LBR: variants seen among roughly 807,000 people sequenced by gnomAD.
The protein encoded by LBR is delta(14)-sterol reductase LBR.
LBR carries 28 observed loss-of-function variants against 74.3 expected under a neutral mutation model. That is an observed-to-expected ratio of 0.38 (90% confidence interval 0.28 to 0.52). The LOEUF (loss-of-function observed/expected upper bound fraction) is 0.52. Among genes scored for constraint, LBR ranks in the 20% least tolerant of loss-of-function variants. The probability of loss-of-function intolerance (pLI) is 0.89; values close to 1 mark genes in which losing one functional copy is unlikely to be tolerated. For missense variants in LBR, 717 were observed against 760.3 expected (o/e 0.94, Z 0.67); for synonymous variants, 228 against 269.3 (o/e 0.85, Z 1.50).
chr1:225,402,959 A>G lies in LBR; in HGVS notation c.*344T>C, dbSNP rs1035810101. On this transcript the variant is annotated 3_prime_UTR_variant, in exon 14 of 14. Transcript: ENST00000272163. ...AAAAGCCAACTGGCAAAAAAACATCAAAATTTGAAAAGTAATCAGAAACCA... is the reference window on the plus strand; with the variant it reads ...AAAAGCCAACTGGCAAAAAAACATCGAAATTTGAAAAGTAATCAGAAACCA... The G allele has an allele frequency of 5.0e-6, 1 of 199,064 alleles. No individual in the cohort carries two copies. The highest frequency in any genetic ancestry group is 2.3e-5 in the African/African-American group (1 of 42,700). The allele number at this position is 199,064 out of a possible 1,614,324, so 12.3% of individuals were successfully genotyped here.
intron 1 of LBR, 171 bp downstream of exon 1, chr1:225,427,783 G>C (rs1558660866): frequency 6.6e-6 from 1 of 152,488 alleles, no homozygotes; most frequent in African/African-American, 2.4e-5. Context: ...GAAAAGGCGA[G>C]GAGGGGAGGA....
At chr1:225,425,173 G>A (rs61851886) in intron 1 of LBR, among the ~76,000 whole-genome samples, 9,411 of 151,096 alleles carry the variant, frequency 0.062, 413 homozygotes, top group Non-Finnish European at 0.088. Flanking sequence ...GAAGACTCTG[G>A]AATTAAGGAG....
chr1:225,421,290 G>A (rs893565650), intron 3 of LBR, among the ~76,000 whole-genome samples: 4 of 152,314 alleles, frequency 2.6e-5, no homozygotes, highest in African/African-American at 4.8e-5. Context: ...TCAGGAAATC[G>A]AGACCATCCT....
rs1254466472 is a variant in LBR at position 225,422,277 on chromosome 1, G to A, written c.166C>T (p.Pro56Ser). Residue 56 changes from proline to serine, a missense_variant and splice_region_variant, in exon 3 of 14, where the codon CCT (proline) becomes TCT (serine). By Grantham distance (74) the Pro-to-Ser change is moderately conservative (BLOSUM62 -1). Transcript: ENST00000272163. Reference sequence around the variant, plus strand: ...TTCCTTTGCCTAAAGGAAGTTAAAGGCTAGAAAGGGGGAAGAAGGCAAAGA... The same window carrying A: ...TTCCTTTGCCTAAAGGAAGTTAAAGACTAGAAAGGGGGAAGAAGGCAAAGA... ...ELELKENDIKPLTSFRQRKGG... is the reference protein window; with the variant it reads ...ELELKENDIKSLTSFRQRKGG... The A allele has an allele frequency of 1.9e-6, 3 of 1,612,562 alleles. No individual in the cohort carries two copies. The highest frequency in any genetic ancestry group is 1.3e-5 in the African/African-American group (1 of 74,872).
At chr1:225,411,085 T>C (rs1178220767) in intron 9 of LBR, among the ~76,000 whole-genome samples, 1 of 152,204 alleles carries the variant, frequency 6.6e-6, no homozygotes, top group Non-Finnish European at 1.5e-5. Context: ...ACTATCACTT[T>C]CCTACATAAA....
Position 225,402,840 on chromosome 1 carries a change from T to C in LBR, c.*463A>G. The C allele has an allele frequency of 6.2e-6, 1 of 161,876 alleles. No individual in the cohort carries two copies. The highest frequency in any genetic ancestry group is 1.7e-4 in the South Asian group (1 of 5,938). The allele number at this position is 161,876 out of a possible 1,614,324, so 10.0% of individuals were successfully genotyped here. On this transcript the variant is annotated 3_prime_UTR_variant, in exon 14 of 14. Coordinates refer to ENST00000272163, the MANE Select transcript of LBR (RefSeq NM_002296.4). ...TCTTTTTGCTTTCAAATTATATAAT[T>C]AGTAAAGGATTTAAAGAAAAACAAA...
chr1:225,413,282 T>C (rs1322673483), intron 7 of LBR, among the ~76,000 whole-genome samples: 1 of 152,206 alleles, frequency 6.6e-6, no homozygotes, highest in African/African-American at 2.4e-5. Context: ...GACATTCACG[T>C]GCAATGCCAA....
rs201471857 is a variant in LBR, at chr1:225,407,762, G to C, written c.1315-930C>G. Among the ~76,000 whole-genome samples the C allele has an allele frequency of 1.1e-4, 16 of 152,204 alleles. No homozygotes were observed. The East Asian group carries it at 3.1e-3, about 29-fold the overall frequency. On this transcript the variant is annotated intron_variant, in intron 10 of 13. Transcript: ENST00000272163. ...AGAAAAAGAGTGGTACCTCTAAATA[G>C]CATTTTTTTCCAGAAAAGAAAGCAA...
intron 10 of LBR, 73 bp from the exon 11 acceptor site, chr1:225,406,905 C>T: frequency 1.4e-6 from 2 of 1,463,798 alleles, no homozygotes; most frequent in East Asian, 2.3e-5. Context: ...TACTAGTTTA[C>T]AGGCAAATGT....
chr1:225,403,104 T>A lies in LBR; in HGVS notation c.*199A>T. On this transcript the variant is annotated 3_prime_UTR_variant, in exon 14 of 14. Coordinates refer to ENST00000272163, the MANE Select transcript of LBR (RefSeq NM_002296.4). ...CTCACATCCTTACTTGTATTTTTCC[T>A]ATGTTAACTGTAAGTTAATACAAGT... 1 of 574,486 alleles carries A rather than the reference T, an allele frequency of 1.7e-6. No homozygotes were observed. The highest frequency in any genetic ancestry group is 2.1e-5 in the South Asian group (1 of 46,630). 35.6% of individuals were successfully genotyped at this position (574,486 alleles called of 1,614,324 possible). A position where few individuals can be genotyped will look rare whatever the true frequency, so the allele number is the denominator to read the frequency against.
chr1:225,405,805 G>A (rs990283841), intron 11 of LBR, among the ~76,000 whole-genome samples: 2 of 152,202 alleles, frequency 1.3e-5, no homozygotes, highest in African/African-American at 4.8e-5. Flanking sequence ...TAAAATGGAT[G>A]ACATGGACAT....
Position 225,406,723 on chromosome 1 carries a change from A to G in LBR, c.1424T>C (p.Leu475Ser), listed in dbSNP as rs779726211. 1 of 1,613,928 alleles carries G rather than the reference A, an allele frequency of 6.2e-7. No homozygotes were observed. The highest frequency in any genetic ancestry group is 1.7e-5 in the Admixed American group (1 of 59,962). The change falls in exon 11 of 14, where the codon TTA (leucine) becomes TCA (serine). Residue 475 changes from leucine to serine, a missense_variant. Leu to Ser is a moderately radical substitution (Grantham distance 145). Coordinates refer to ENST00000272163, the MANE Select transcript of LBR (RefSeq NM_002296.4). ...AGACACTTCATTTGGATGACTGACT[A>G]AATAAAAGGCTTGGAAGCTGTAAAT... ...PFIYSFQAFY[L>S]VSHPNEVSWP...
intron 11 of LBR, 176 bp downstream of exon 11, chr1:225,406,488 G>A (rs1046169674): frequency 8.5e-6 from 5 of 590,614 alleles, no homozygotes; most frequent in East Asian, 2.9e-5. Flanking sequence ...ACCCAAGTAC[G>A]AACCATCCAT....
intron 8 of LBR, among the ~76,000 whole-genome samples, chr1:225,411,875 T>C (rs745887839): frequency 9.2e-5 from 14 of 152,250 alleles, no homozygotes; most frequent in Non-Finnish European, 1.9e-4. Flanking sequence ...AGTGGCACAG[T>C]CTCGGCTCAC....
In LBR at chr1:225,425,865, G is replaced by A. The variant is rs371602048; in HGVS notation, c.-14-1776C>T. Among the ~76,000 whole-genome samples, 166 of 152,346 alleles carry A rather than the reference G, an allele frequency of 1.1e-3. 4 individuals are homozygous for A. In the South Asian group the frequency reaches 0.034, roughly 31 times the overall value. On this transcript the variant is annotated intron_variant, in intron 1 of 13. Coordinates refer to ENST00000272163, the MANE Select transcript of LBR (RefSeq NM_002296.4). ...AAACTTTTGAAACACAAGCCCTTCA[G>A]GACGCAGGGGCTACTTGAGGTTTTA...
Position 225,410,335 on chromosome 1 carries a change from T to C in LBR, c.1270A>G (p.Asn424Asp). ...ACCACATAGAGAAGCTGGAAACTAT[T>C]AACTAAAATCATGGCCAAGGATGGA... ...AVPSLAMILV[N>D]SFQLLYVVDA... The change falls in exon 10 of 14, where the codon AAT becomes GAT. Residue 424 changes from asparagine (N) to aspartate (D), a missense_variant. Transcript: ENST00000272163. 1 of 1,614,160 alleles carries C rather than the reference T, an allele frequency of 6.2e-7. No individual in the cohort carries two copies. The highest frequency in any genetic ancestry group is 8.5e-7 in the Non-Finnish European group (1 of 1,180,016).
chr1:225,428,146 AG>A (rs1347150756), upstream of LBR: 2 of 151,830 alleles, frequency 1.3e-5, no homozygotes, highest in East Asian at 3.9e-4. Flanking sequence ...CCCACCGGCG[AG>A]GCCGCCCGGG....
In LBR at chr1:225,424,107, A is replaced by G. The variant is rs2096134366; in HGVS notation, c.-14-18T>C. 2 of 1,593,184 alleles carry G rather than the reference A, an allele frequency of 1.3e-6. No individual in the cohort carries two copies. Among genetic ancestry groups the G allele is most frequent in the Non-Finnish European group, 1.7e-6 (2 of 1,161,044 alleles). On this transcript the variant is annotated intron_variant, in intron 1 of 13. Transcript: ENST00000272163. ...TAATTAACCTGAATAGTTTTAAAGAAAAAAATTTGAGTCAATACATACACA... is the reference window on the plus strand; with the variant it reads ...TAATTAACCTGAATAGTTTTAAAGAGAAAAATTTGAGTCAATACATACACA...
intron 11 of LBR, 51 bp from the exon 12 acceptor site, chr1:225,404,757 G>A (rs762520631): frequency 8.2e-7 from 1 of 1,214,866 alleles, no homozygotes; most frequent in Non-Finnish European, 1.2e-6. Context: ...ATACTCTAAT[G>A]CTTAATAGCA....
Sources: allele counts gnomAD v4.1 joint callset (sites outside exome capture counted in the v4.1 genomes callset), GRCh38; gene constraint gnomAD v4.1.1; transcripts MANE v1.5; gene names NCBI Gene and HGNC (gene_info 2026-07-23, HGNC 2026-07-21).